The following SLC49A4 variants were observed in gnomAD, a reference collection of about 807,000 sequenced individuals.
The protein encoded by SLC49A4 is disrupted in renal cancer protein 2.
Under a neutral mutation model 50.6 loss-of-function variants are expected in SLC49A4, and 36 were observed. The observed-to-expected ratio is 0.71, with a 90% CI of 0.55 to 0.94. The LOEUF is 0.94. Ranked by LOEUF, SLC49A4 falls within the 40% of genes least tolerant of loss-of-function variation. SLC49A4 has a pLI of 0.00. For synonymous variants in SLC49A4, 248 were observed against 241.2 expected (o/e 1.03, Z -0.26); for missense variants, 503 against 605.7 (o/e 0.83, Z 1.78).
intron 2 of SLC49A4, among the ~76,000 whole-genome samples, chr3:122,821,444 T>TC (rs1239820942): frequency 6.6e-6 from 1 of 151,758 alleles, no homozygotes; most frequent in Non-Finnish European, 1.5e-5. Context: ...AGTTAAGGAG[T>TC]CAGTATGAGG....
At chr3:122,875,368 G>C (rs1320861004) in intron 8 of SLC49A4, among the ~76,000 whole-genome samples, 4 of 151,912 alleles carry the variant, frequency 2.6e-5, no homozygotes, top group Non-Finnish European at 5.9e-5. Flanking sequence ...TAGGGGTGGG[G>C]GAGACAGGGT....
chr3:122,801,576 G>A (rs562466084), intron 1 of SLC49A4, among the ~76,000 whole-genome samples: 3 of 152,242 alleles, frequency 2.0e-5, no homozygotes, highest in South Asian at 4.1e-4. Context: ...CAGATGAATA[G>A]CGAAACCTCA....
At chr3:122,851,662 G>A (rs187050446) in intron 5 of SLC49A4, among the ~76,000 whole-genome samples, 31 of 151,956 alleles carry the variant, frequency 2.0e-4, no homozygotes, top group African/African-American at 6.8e-4. Context: ...ATTGAATGTC[G>A]TCTTGTTAGC....
intron 5 of SLC49A4, among the ~76,000 whole-genome samples, chr3:122,849,338 T>C (rs1158385286): frequency 1.3e-5 from 2 of 152,232 alleles, no homozygotes; most frequent in Non-Finnish European, 2.9e-5. Context: ...ATTGGGTATA[T>C]ACCCAGAAAT....
chr3:122,815,058 A>C (rs1450284744), intron 2 of SLC49A4, among the ~76,000 whole-genome samples: 1 of 151,440 alleles, frequency 6.6e-6, no homozygotes, highest in Non-Finnish European at 1.5e-5. Context: ...AGCCCACAGG[A>C]GGGTAAGTGG....
At chr3:122,878,450 G>A (rs989882427) in intron 8 of SLC49A4, among the ~76,000 whole-genome samples, 2 of 152,170 alleles carry the variant, frequency 1.3e-5, no homozygotes, top group African/African-American at 4.8e-5. Flanking sequence ...TGGAGCTCCA[G>A]GAAGCAGCTA....
chr3:122,862,051 T>C (rs755067284), intron 7 of SLC49A4, among the ~76,000 whole-genome samples: 28 of 152,036 alleles, frequency 1.8e-4, no homozygotes, highest in Non-Finnish European at 3.1e-4. Flanking sequence ...AGGGTGGGGG[T>C]GTCCAGTCTG....
chr3:122,821,133 C>T (rs527583410), intron 2 of SLC49A4, among the ~76,000 whole-genome samples: 94 of 152,330 alleles, frequency 6.2e-4, no homozygotes, highest in Non-Finnish European at 2.9e-4. Context: ...ACTCCTCCTT[C>T]GCTTTCCACC....
intron 3 of SLC49A4, 107 bp from the exon 4 acceptor site, chr3:122,833,210 C>A (rs1178291223): frequency 1.1e-5 from 13 of 1,133,692 alleles, no homozygotes; most frequent in Non-Finnish European, 1.4e-5. Flanking sequence ...CACTGCATTC[C>A]AGCCTGGGTG....
At chr3:122,832,772 G>A (rs1453884050) in intron 3 of SLC49A4, among the ~76,000 whole-genome samples, 1 of 151,956 alleles carries the variant, frequency 6.6e-6, no homozygotes, top group Non-Finnish European at 1.5e-5. Context: ...ATACATCATT[G>A]TTAGTATAAC....
chr3:122,827,340 T>A (rs1258373617), intron 3 of SLC49A4, among the ~76,000 whole-genome samples: 2 of 152,252 alleles, frequency 1.3e-5, no homozygotes, highest in Non-Finnish European at 2.9e-5. Context: ...AAGTACTGTA[T>A]AACACATTTT....
At chr3:122,853,319 T>A (rs1936947913) in intron 5 of SLC49A4, among the ~76,000 whole-genome samples, 1 of 152,240 alleles carries the variant, frequency 6.6e-6, no homozygotes, top group Non-Finnish European at 1.5e-5. Context: ...CATGTGAATT[T>A]GTGGGGGACA....
chr3:122,879,314 T>G lies in SLC49A4; in HGVS notation c.1373T>G (p.Leu458Arg). The change falls in exon 9 of 9, where the codon CTC (leucine) becomes CGC (arginine). Residue 458 changes from leucine (L) to arginine (R), a missense_variant. Leu to Arg is a moderately radical substitution (Grantham distance 102). Transcript: ENST00000261038. Reference protein sequence around the residue: ...CLPGSCLLSLLLILCFRESYD... With the variant: ...CLPGSCLLSLRLILCFRESYD... ...CCCGGGTCGTGTTTGCTCAGTCTCC[T>G]CCTCATTCTGTGCTTCAGGGAATCC... 6.2e-7 allele frequency: 1 copy of G among 1,614,030 alleles called. No individual in the cohort carries two copies. Among genetic ancestry groups the G allele is most frequent in the Non-Finnish European group, 8.5e-7 (1 of 1,179,914 alleles).
At chr3:122,800,224 T>TG (rs1936111483) in intron 1 of SLC49A4, among the ~76,000 whole-genome samples, 1 of 152,174 alleles carries the variant, frequency 6.6e-6, no homozygotes, top group African/African-American at 2.4e-5. Context: ...GACTGAGCCT[T>TG]GGGGCATTCC....
At chr3:122,855,097 CAAA>C (rs767446582) in intron 5 of SLC49A4, among the ~76,000 whole-genome samples, 1 of 117,296 alleles carries the variant, frequency 8.5e-6, no homozygotes. Context: ...TGTCTCAAAA[CAAA>C]AAAAAAAAAG....
chr3:122,842,258 G>T (rs935900667), intron 4 of SLC49A4, among the ~76,000 whole-genome samples: 31 of 151,810 alleles, frequency 2.0e-4, no homozygotes, highest in Admixed American at 2.0e-3. Context: ...AGGCCGAGGC[G>T]GGCGGATCAC....
intron 7 of SLC49A4, among the ~76,000 whole-genome samples, chr3:122,866,721 G>A (rs753572681): frequency 4.8e-5 from 7 of 146,678 alleles, no homozygotes; most frequent in Admixed American, 3.4e-4. Flanking sequence ...CCCTGCCCCC[G>A]ACCCCATTCT....
chr3:122,854,221 C>T (rs1242935269), intron 5 of SLC49A4, among the ~76,000 whole-genome samples: 2 of 152,096 alleles, frequency 1.3e-5, no homozygotes, highest in Admixed American at 6.6e-5. Flanking sequence ...AACTATAGAG[C>T]GATAATTTAA....
At chr3:122,821,547 CTG>C (rs1191424607) in intron 2 of SLC49A4, among the ~76,000 whole-genome samples, 1 of 152,186 alleles carries the variant, frequency 6.6e-6, no homozygotes, top group Non-Finnish European at 1.5e-5. Context: ...AGTCCATTAA[CTG>C]TGAGGATACA....
Sources: gnomAD v4.1 joint callset for allele counts (sites outside exome capture counted in the v4.1 genomes callset) on GRCh38, gnomAD v4.1.1 for gene constraint, MANE v1.5 for transcripts, NCBI Gene and HGNC (gene_info 2026-07-23, HGNC 2026-07-21) for gene names.